The following XIRP2 variants were observed in gnomAD, a reference collection of about 807,000 sequenced individuals.
XIRP2 encodes xin actin-binding repeat-containing protein 2.
XIRP2 carries 236 observed loss-of-function variants against 277.0 expected under a neutral mutation model. The ratio of observed to expected loss-of-function variants is 0.85; its 90% CI spans 0.77 to 0.95. The LOEUF is 0.95. XIRP2 is among the 40% of genes least tolerant of loss of function. The probability of loss-of-function intolerance (pLI) is 0.00; values close to 1 mark genes in which losing one functional copy is unlikely to be tolerated. For missense variants in XIRP2, 4,640 were observed against 4,157.5 expected, an observed-to-expected ratio of 1.12 and a Z score of -3.19; for synonymous variants, 1,490 against 1,416.5, an observed-to-expected ratio of 1.05 and a Z score of -1.17.
rs550825804 is a variant in XIRP2, at chr2:167,011,589, C to A, written c.408+107699C>A. On this transcript the variant is annotated intron_variant, in intron 2 of 10. Transcript: ENST00000409195. ...TATCAGGATGATGCTGGCCTCATAA[C>A]ATGAGTTAGGGAGGATTCCCTCTTT... Among the ~76,000 whole-genome samples the A allele has an allele frequency of 5.3e-4, 80 of 151,852 alleles. 1 individual carries two copies. The South Asian group carries it at 0.012, about 23-fold the overall frequency.
At chr2:167,176,825 G>C (rs1044811614) in intron 3 of XIRP2, among the ~76,000 whole-genome samples, 1 of 152,194 alleles carries the variant, frequency 6.6e-6, no homozygotes, top group Non-Finnish European at 1.5e-5. Flanking sequence ...TGGTAGTTGA[G>C]TTTCTGAATG....
intron 3 of XIRP2, among the ~76,000 whole-genome samples, chr2:167,142,684 A>G (rs1691754740): frequency 6.6e-6 from 1 of 152,246 alleles, no homozygotes; most frequent in African/African-American, 2.4e-5. Context: ...AACTGAGTTC[A>G]TGACTCCATG....
At chr2:166,986,763 G>A (rs990277171) in intron 2 of XIRP2, among the ~76,000 whole-genome samples, 1 of 152,186 alleles carries the variant, frequency 6.6e-6, no homozygotes, top group African/African-American at 2.4e-5. Flanking sequence ...TTTTCGTGCT[G>A]TGAAATGCTG....
intron 1 of XIRP2, among the ~76,000 whole-genome samples, 160 bp from the exon 2 acceptor site, chr2:166,903,305 G>A (rs1440703634): frequency 5.9e-5 from 9 of 152,070 alleles, no homozygotes; most frequent in African/African-American, 2.2e-4. Context: ...ACGTTGTGGG[G>A]TGAAGTGAAG....
intron 2 of XIRP2, among the ~76,000 whole-genome samples, chr2:166,936,051 C>A (rs543611806): frequency 6.6e-6 from 1 of 152,312 alleles, no homozygotes; most frequent in East Asian, 1.9e-4. Flanking sequence ...GTTCCTATTT[C>A]TCCACATCCT....
At chr2:167,008,263 ATTC>A (rs1687560651) in intron 2 of XIRP2, among the ~76,000 whole-genome samples, 1 of 151,578 alleles carries the variant, frequency 6.6e-6, no homozygotes, top group African/African-American at 2.4e-5. Flanking sequence ...GAGATCTGTC[ATTC>A]TTCTCTCTGT....
intron 3 of XIRP2, among the ~76,000 whole-genome samples, chr2:167,179,642 A>ATT (rs58591089): frequency 2.9e-5 from 4 of 136,400 alleles, no homozygotes; most frequent in Non-Finnish European, 3.2e-5. Flanking sequence ...TTATCTGATA[A>ATT]TTTTTTTTTT....
chr2:167,018,143 C>A (rs1558949311), intron 2 of XIRP2, among the ~76,000 whole-genome samples: 1 of 152,008 alleles, frequency 6.6e-6, no homozygotes, highest in Non-Finnish European at 1.5e-5. Flanking sequence ...AATAACCAGC[C>A]AACTCCACAG....
intron 3 of XIRP2, among the ~76,000 whole-genome samples, chr2:167,159,166 T>G (rs898384857): frequency 6.6e-5 from 10 of 152,088 alleles, no homozygotes; most frequent in African/African-American, 9.7e-5. Context: ...CATGGAGAGA[T>G]TCCACATGCT....
chr2:166,948,538 A>G (rs1685943444), intron 2 of XIRP2, among the ~76,000 whole-genome samples: 1 of 152,112 alleles, frequency 6.6e-6, no homozygotes, highest in Non-Finnish European at 1.5e-5. Flanking sequence ...TAATCATTTC[A>G]ATAATCTTTG....
intron 2 of XIRP2, among the ~76,000 whole-genome samples, chr2:166,932,061 T>C (rs755083282): frequency 6.6e-6 from 1 of 152,208 alleles, no homozygotes; most frequent in Non-Finnish European, 1.5e-5. Context: ...TATCTTCTTT[T>C]ATGTATCACT....
chr2:167,096,575 T>G (rs113164652), intron 2 of XIRP2, among the ~76,000 whole-genome samples: 4,770 of 152,256 alleles, frequency 0.031, 88 homozygotes, highest in East Asian at 0.049. Context: ...CTTAGTTATT[T>G]CTTGTCTTCT....
At chr2:166,962,846 T>G (rs1428214150) in intron 2 of XIRP2, among the ~76,000 whole-genome samples, 4 of 151,788 alleles carry the variant, frequency 2.6e-5, no homozygotes, top group Non-Finnish European at 5.9e-5. Context: ...CCCAAATTTC[T>G]GTACCAGAAC....
intron 3 of XIRP2, among the ~76,000 whole-genome samples, chr2:167,140,647 C>T (rs1180482992): frequency 2.6e-5 from 4 of 152,256 alleles, no homozygotes; most frequent in East Asian, 1.9e-4. Context: ...TTATTTCATG[C>T]CCCAAATAAT....
At chr2:167,086,052 T>C (rs1043126373) in intron 2 of XIRP2, among the ~76,000 whole-genome samples, 1 of 152,184 alleles carries the variant, frequency 6.6e-6, no homozygotes, top group Non-Finnish European at 1.5e-5. Flanking sequence ...GGTCTTTACA[T>C]TTTGGCATGA....
At chr2:166,913,317 C>T (rs1044574059) in intron 2 of XIRP2, among the ~76,000 whole-genome samples, 2 of 132,140 alleles carry the variant, frequency 1.5e-5, no homozygotes, top group African/African-American at 5.1e-5. Flanking sequence ...GGCACCCCCC[C>T]CCCCCAGCCT....
chr2:167,229,388 G>T (rs1694692526), intron 5 of XIRP2, among the ~76,000 whole-genome samples: 1 of 152,014 alleles, frequency 6.6e-6, no homozygotes, highest in East Asian at 1.9e-4. Context: ...TAATGAAATG[G>T]CAAGCCCCAA....
At chr2:166,977,749 T>A (rs1511208) in intron 2 of XIRP2, among the ~76,000 whole-genome samples, 42 of 151,942 alleles carry the variant, frequency 2.8e-4, no homozygotes, top group Non-Finnish European at 5.1e-4. Context: ...TAAACCTTGC[T>A]GTTTTTCCAG....
intron 2 of XIRP2, among the ~76,000 whole-genome samples, chr2:166,926,291 G>T (rs889096693): frequency 6.6e-6 from 1 of 151,696 alleles, no homozygotes; most frequent in African/African-American, 2.4e-5. Flanking sequence ...CTTCATTATT[G>T]TGCCAACTGT....
Sources: gnomAD v4.1 joint callset for allele counts (sites outside exome capture counted in the v4.1 genomes callset) on GRCh38, gnomAD v4.1.1 for gene constraint, MANE v1.5 for transcripts, NCBI Gene and HGNC (gene_info 2026-07-23, HGNC 2026-07-21) for gene names.